The following MSRA variants were observed in gnomAD, a reference collection of about 807,000 sequenced individuals.
MSRA encodes mitochondrial peptide methionine sulfoxide reductase.
In MSRA, 54 loss-of-function variants were observed where a neutral mutation model predicts 31.3. That is an observed-to-expected ratio of 1.73 (90% CI 1.39 to 2.17). MSRA has a LOEUF of 2.17. Among genes scored for constraint, MSRA ranks in the 30% most tolerant of loss-of-function variants. The probability of loss-of-function intolerance (pLI) is 0.00; values close to 1 mark genes in which losing one functional copy is unlikely to be tolerated. For synonymous variants in MSRA, 169 were observed against 116.5 expected, an observed-to-expected ratio of 1.45 and a Z score of -2.90; for missense variants, 507 against 300.9, an observed-to-expected ratio of 1.69 and a Z score of -5.07.
intron 1 of MSRA, among the ~76,000 whole-genome samples, chr8:10,124,597 C>A (rs890093197): frequency 6.6e-6 from 1 of 152,142 alleles, no homozygotes; most frequent in Non-Finnish European, 1.5e-5. Flanking sequence ...TTATGAGACA[C>A]CAGTCAGTAA....
intron 1 of MSRA, among the ~76,000 whole-genome samples, chr8:10,103,540 A>G (rs1467631367): frequency 1.3e-5 from 2 of 152,182 alleles, no homozygotes; most frequent in Admixed American, 6.5e-5. Flanking sequence ...TGTTCAGAAT[A>G]TTAAGTGAGA....
At chr8:10,237,198 T>C (rs1301720020) in intron 2 of MSRA, among the ~76,000 whole-genome samples, 1 of 152,240 alleles carries the variant, frequency 6.6e-6, no homozygotes, top group African/African-American at 2.4e-5. Context: ...ACTGAAGTTG[T>C]TTTTCTTGTG....
intron 5 of MSRA, among the ~76,000 whole-genome samples, chr8:10,426,193 C>G (rs1201602627): frequency 6.6e-6 from 1 of 152,192 alleles, no homozygotes; most frequent in Non-Finnish European, 1.5e-5. Flanking sequence ...CCCACGTGCT[C>G]ATTCTTAGAG....
intron 5 of MSRA, among the ~76,000 whole-genome samples, chr8:10,361,485 A>G (rs763104537): frequency 1.3e-5 from 2 of 152,122 alleles, no homozygotes; most frequent in Non-Finnish European, 2.9e-5. Flanking sequence ...TTCCCTTTGC[A>G]TTCTCCCAGT....
intron 1 of MSRA, among the ~76,000 whole-genome samples, chr8:10,098,476 T>C (rs922408903): frequency 3.3e-5 from 5 of 152,226 alleles, no homozygotes; most frequent in African/African-American, 1.2e-4. Flanking sequence ...CAAATGTTTA[T>C]TGAGCACTCA....
intron 1 of MSRA, among the ~76,000 whole-genome samples, chr8:10,175,834 A>T (rs571957575): frequency 3.3e-5 from 5 of 152,270 alleles, no homozygotes; most frequent in African/African-American, 1.2e-4. Flanking sequence ...CCACAACTCT[A>T]TTCGCCGTTT....
intron 1 of MSRA, among the ~76,000 whole-genome samples, chr8:10,103,003 G>A (rs542571729): frequency 3.3e-5 from 5 of 152,168 alleles, no homozygotes; most frequent in African/African-American, 1.2e-4. Context: ...ATTAGGGACT[G>A]AGCCTTCTTT....
chr8:10,214,996 G>A (rs1809861963), intron 2 of MSRA, among the ~76,000 whole-genome samples: 2 of 152,192 alleles, frequency 1.3e-5, no homozygotes, highest in African/African-American at 4.8e-5. Context: ...ACCTGGGCTG[G>A]TCCAGAAAAG....
At chr8:10,335,064 G>A (rs1802946268) in intron 5 of MSRA, among the ~76,000 whole-genome samples, 2 of 152,190 alleles carry the variant, frequency 1.3e-5, no homozygotes, top group African/African-American at 4.8e-5. Context: ...TGGGCATGGT[G>A]CGTTGCAGGA....
intron 1 of MSRA, among the ~76,000 whole-genome samples, chr8:10,197,568 G>A (rs948326912): frequency 3.3e-5 from 5 of 152,156 alleles, no homozygotes; most frequent in African/African-American, 1.2e-4. Context: ...AGTAAGCACT[G>A]TGCAAATACC....
At chr8:10,142,621 C>G (rs2129031841) in intron 1 of MSRA, among the ~76,000 whole-genome samples, 1 of 152,306 alleles carries the variant, frequency 6.6e-6, no homozygotes, top group African/African-American at 2.4e-5. Context: ...TCCCTCCAAT[C>G]TTTAGTCTCT....
intron 5 of MSRA, among the ~76,000 whole-genome samples, chr8:10,400,906 T>G (rs1459717183): frequency 6.6e-6 from 1 of 152,120 alleles, no homozygotes. Context: ...ATATAAGAGC[T>G]AAAACGATAA....
chr8:10,345,742 T>G (rs559805416), intron 5 of MSRA, among the ~76,000 whole-genome samples: 1 of 152,216 alleles, frequency 6.6e-6, no homozygotes, highest in African/African-American at 2.4e-5. Flanking sequence ...TTCTGGTGTT[T>G]TAAGCTCACT....
intron 5 of MSRA, among the ~76,000 whole-genome samples, chr8:10,351,796 T>A (rs1415364880): frequency 6.6e-6 from 1 of 152,186 alleles, no homozygotes; most frequent in Admixed American, 6.5e-5. Flanking sequence ...GGGATCTTGG[T>A]AAAATGCAGA....
chr8:10,279,725 G>C (rs749557289), intron 3 of MSRA, among the ~76,000 whole-genome samples: 15 of 152,188 alleles, frequency 9.9e-5, no homozygotes, highest in Non-Finnish European at 1.9e-4. Context: ...ATTGAGCAAC[G>C]TCTGACACCT....
chr8:10,397,152 C>A (rs146550927), intron 5 of MSRA, among the ~76,000 whole-genome samples: 1 of 152,200 alleles, frequency 6.6e-6, no homozygotes, highest in African/African-American at 2.4e-5. Flanking sequence ...CTTTGTCTCC[C>A]GGCTTGACCT....
chr8:10,363,362 GC>G (rs753424040), intron 5 of MSRA, among the ~76,000 whole-genome samples: 1 of 152,142 alleles, frequency 6.6e-6, no homozygotes, highest in Non-Finnish European at 1.5e-5. Flanking sequence ...GACTCACAGG[GC>G]CAACCTGGCA....
At chr8:10,152,148 C>T (rs867046553) in intron 1 of MSRA, among the ~76,000 whole-genome samples, 3 of 152,000 alleles carry the variant, frequency 2.0e-5, no homozygotes, top group Non-Finnish European at 4.4e-5. Context: ...GTGGAAAATC[C>T]CCTTGAAAAA....
intron 1 of MSRA, among the ~76,000 whole-genome samples, chr8:10,118,063 G>A (rs1408353985): frequency 6.6e-6 from 1 of 152,208 alleles, no homozygotes; most frequent in African/African-American, 2.4e-5. Flanking sequence ...TTCACTGTAA[G>A]GTTTTGGCGA....
Sources: allele counts gnomAD v4.1 joint callset (sites outside exome capture counted in the v4.1 genomes callset), GRCh38; gene constraint gnomAD v4.1.1; transcripts MANE v1.5; gene names NCBI Gene and HGNC (gene_info 2026-07-23, HGNC 2026-07-21).